The following DIP2C variants were observed in gnomAD, a reference collection of about 807,000 sequenced individuals.
DIP2C encodes the protein DIP2 acetate--CoA ligase C (putative).
A neutral mutation model predicts 192.4 loss-of-function variants in DIP2C; 33 were observed. The observed-to-expected ratio is 0.17, with a 90% CI of 0.13 to 0.23. The LOEUF is 0.23. DIP2C is among the 10% of genes least tolerant of loss of function. The probability of loss-of-function intolerance (pLI) is 1.00; values close to 1 mark genes in which losing one functional copy is unlikely to be tolerated. For missense variants in DIP2C, 1,537 were observed against 2,110.1 expected (o/e 0.73, Z 5.32); for synonymous variants, 979 against 864.1 (o/e 1.13, Z -2.33).
intron 32 of DIP2C, among the ~76,000 whole-genome samples, chr10:296,761 C>T (rs938061446): frequency 2.0e-5 from 3 of 151,492 alleles, no homozygotes; most frequent in Admixed American, 1.3e-4. Flanking sequence ...AGGTAGAAAC[C>T]ATCATTCTCA....
At chr10:350,992 G>A (rs576211189) in intron 24 of DIP2C, among the ~76,000 whole-genome samples, 3 of 152,132 alleles carry the variant, frequency 2.0e-5, no homozygotes, top group South Asian at 2.1e-4. Context: ...ATGCATGAGT[G>A]TAGGGATGGA....
intron 1 of DIP2C, among the ~76,000 whole-genome samples, chr10:509,444 C>A (rs1011300816): frequency 1.3e-5 from 2 of 152,206 alleles, no homozygotes; most frequent in African/African-American, 2.4e-5. Flanking sequence ...CCCGAGGCAG[C>A]TCCAGATGGA....
chr10:340,632 CAAAA>C (rs544379223), intron 29 of DIP2C: 155 of 396,336 alleles, frequency 3.9e-4, no homozygotes, highest in African/African-American at 2.9e-3. Context: ...TATAATCAGA[CAAAA>C]AAGCCAAGAA....
At chr10:324,738 A>G (rs1484010063) in intron 31 of DIP2C, 1 of 339,180 alleles carries the variant, frequency 2.9e-6, no homozygotes, top group Non-Finnish European at 6.0e-6. Context: ...ACCGTGCTCA[A>G]CACTCCCACG....
rs183220680 is a variant in DIP2C at position 654,484 on chromosome 10, G to A, written c.85+35010C>T. ...ATAGCGTGGAGGGCACTGTAGAGAC[G>A]TCATCAGTGTATTCACAACAGCAAG... On this transcript the variant is annotated intron_variant, in intron 1 of 36. Coordinates refer to ENST00000280886, the MANE Select transcript of DIP2C (RefSeq NM_014974.3). Among the ~76,000 whole-genome samples, 4 of 152,282 alleles carry A rather than the reference G, an allele frequency of 2.6e-5. No individual in the cohort carries two copies. The East Asian group carries it at 7.7e-4, about 29-fold the overall frequency.
chr10:345,158 A>C, intron 26 of DIP2C, 48 bp from the exon 27 acceptor site: 3 of 1,544,690 alleles, frequency 1.9e-6, no homozygotes, highest in Non-Finnish European at 2.6e-6. Context: ...ACCCAGATGA[A>C]AGCGTGCTCA....
intron 1 of DIP2C, among the ~76,000 whole-genome samples, chr10:522,307 C>T (rs946862715): frequency 2.0e-5 from 3 of 152,244 alleles, no homozygotes; most frequent in Non-Finnish European, 4.4e-5. Flanking sequence ...TGATGTACCA[C>T]AGTTTATCCA....
intron 1 of DIP2C, chr10:667,901 C>T (rs1019586890): frequency 6.6e-6 from 1 of 152,108 alleles, no homozygotes; most frequent in African/African-American, 2.4e-5. Context: ...ACTCATACAG[C>T]ACATGTACAA....
At chr10:683,573 A>C (rs975219111) in intron 1 of DIP2C, among the ~76,000 whole-genome samples, 4 of 152,242 alleles carry the variant, frequency 2.6e-5, no homozygotes, top group Non-Finnish European at 5.9e-5. Flanking sequence ...TAGACGTTCC[A>C]GAGGACAAAA....
chr10:560,517 TC>T (rs939704439), intron 1 of DIP2C, among the ~76,000 whole-genome samples: 34 of 152,246 alleles, frequency 2.2e-4, no homozygotes, highest in African/African-American at 8.2e-4. Flanking sequence ...GAATCAGTTC[TC>T]CCAAGTCCAT....
rs76230306 is a variant in DIP2C at position 391,847 on chromosome 10, T to A, written c.1261-984A>T. On this transcript the variant is annotated intron_variant, in intron 10 of 36. Transcript: ENST00000280886. ...CCTGTTCCCTGATAACAGGAAAACA[T>A]GAGCTGAAGAGTGGTGTTTTCACCT... is the stretch of plus-strand genomic sequence containing the variant. 1.2e-3 allele frequency among the ~76,000 whole-genome samples: 176 copies of A among 152,260 alleles called. No individual in the cohort carries two copies. In the East Asian group the frequency reaches 0.013, roughly 11 times the overall value.
chr10:414,440 A>T (rs1039051001), intron 7 of DIP2C, among the ~76,000 whole-genome samples: 8 of 152,184 alleles, frequency 5.3e-5, no homozygotes, highest in African/African-American at 1.7e-4. Context: ...TCCATTACCA[A>T]CATCAGCTAG....
At chr10:314,660 T>C (rs1340721334) in intron 31 of DIP2C, among the ~76,000 whole-genome samples, 1 of 152,230 alleles carries the variant, frequency 6.6e-6, no homozygotes, top group Non-Finnish European at 1.5e-5. Flanking sequence ...TGTGCTCGTC[T>C]GCTCCGCCTG....
intron 2 of DIP2C, among the ~76,000 whole-genome samples, chr10:481,087 T>C (rs1030716447): frequency 5.3e-5 from 8 of 151,942 alleles, no homozygotes; most frequent in African/African-American, 1.9e-4. Flanking sequence ...AAGCGCTGCC[T>C]TGGGGTCACC....
In DIP2C at chr10:378,766, CGT is replaced by C. The variant is rs200815715; in HGVS notation, c.1991+3879_1991+3880del. The stretch of plus-strand genomic sequence containing the variant: ...ACACATGTGAACACATGCCTAGACA[CGT>C]GAACACACATGCCTAGACACCCATG... On this transcript the variant is annotated intron_variant, in intron 17 of 36. Coordinates refer to ENST00000280886, the MANE Select transcript of DIP2C (RefSeq NM_014974.3). Among the ~76,000 whole-genome samples, 927 of 152,044 alleles carry C rather than the reference CGT, an allele frequency of 6.1e-3. 4 individuals are homozygous for C. The highest frequency in any genetic ancestry group is 0.014 in the Middle Eastern group (4 of 294).
At chr10:501,196 TGTG>T (rs1355805511) in intron 1 of DIP2C, among the ~76,000 whole-genome samples, 1 of 152,200 alleles carries the variant, frequency 6.6e-6, no homozygotes, top group African/African-American at 2.4e-5. Flanking sequence ...AACATGTAAA[TGTG>T]GTAAGATTTT....
At position 310,217 on chromosome 10, in the gene DIP2C, T is replaced by TA. The variant is rs141790996; in HGVS notation, c.3925-126dup. ...AGTGAAAAATAAAACTAAAAACACT[T>TA]AGACCAGCAACCTCTCAAGGCACCT... On this transcript the variant is annotated intron_variant, in intron 31 of 36. Transcript: ENST00000280886. 4,224 of 886,820 alleles carry TA rather than the reference T, an allele frequency of 4.8e-3. 125 individuals are homozygous for TA. The African/African-American group carries it at 0.063, about 13-fold the overall frequency. The allele number at this position is 886,820 out of a possible 1,614,324, so 54.9% of individuals were successfully genotyped here.
chr10:371,447 G>A (rs1220315412), intron 17 of DIP2C, among the ~76,000 whole-genome samples: 1 of 152,226 alleles, frequency 6.6e-6, no homozygotes, highest in Non-Finnish European at 1.5e-5. Flanking sequence ...ACCAGGTTAA[G>A]ATGAGGTCAT....
chr10:321,092 G>A (rs987592397), intron 31 of DIP2C, among the ~76,000 whole-genome samples: 12 of 152,342 alleles, frequency 7.9e-5, no homozygotes, highest in South Asian at 4.1e-4. Flanking sequence ...GCTGGATGGT[G>A]GGAGGACCAG....
Sources: allele counts gnomAD v4.1 joint callset (sites outside exome capture counted in the v4.1 genomes callset), GRCh38; gene constraint gnomAD v4.1.1; transcripts MANE v1.5; gene names NCBI Gene and HGNC (gene_info 2026-07-23, HGNC 2026-07-21).